The following CRYBA4 variants were observed in gnomAD, a reference collection of about 807,000 sequenced individuals.
CRYBA4 encodes the protein beta-crystallin A4.
A neutral mutation model predicts 31.7 loss-of-function variants in CRYBA4; 30 were observed. The ratio of observed to expected loss-of-function variants is 0.95; its 90% CI spans 0.71 to 1.28. The LOEUF is 1.28. Ranked by LOEUF, CRYBA4 falls within the 50% of genes most tolerant of loss-of-function variation. CRYBA4 has a pLI of 0.00. For synonymous variants in CRYBA4, 102 were observed against 102.3 expected, an observed-to-expected ratio of 1.00 and a Z score of 0.02; for missense variants, 225 against 260.7, an observed-to-expected ratio of 0.86 and a Z score of 0.94.
the CRYBA4 span, among the ~76,000 whole-genome samples, chr22:26,608,914 G>A: frequency 6.6e-6 from 1 of 152,178 alleles, no homozygotes; most frequent in Non-Finnish European, 1.5e-5. Context: ...CTAATTAGAA[G>A]TTTGAAATTA....
At chr22:26,615,893 G>T in the CRYBA4 span, among the ~76,000 whole-genome samples, 2 of 152,184 alleles carry the variant, frequency 1.3e-5, no homozygotes, top group Non-Finnish European at 1.5e-5. Context: ...TGTCCCAGAA[G>T]GAGGAGGGAG....
chr22:26,622,633 A>T lies in CRYBA4; in HGVS notation c.37A>T (p.Lys13Ter). Residue 13 changes from lysine to a stop codon, truncating the protein, a stop_gained and splice_region_variant, in exon 2 of 6, where the codon AAG becomes TAG. Transcript: ENST00000354760. LOFTEE classifies it high-confidence loss of function. Reference protein sequence around the residue: ...LQCTKSAGPWKMVVWDEDGFQ... With the variant: ...LQCTKSAGPW Reference sequence around the variant, plus strand: ...ATGCACAAAGTCAGCGGGACCCTGGAAGGTAGGAAGAGGCATGGGGAGGGG... The same window carrying T: ...ATGCACAAAGTCAGCGGGACCCTGGTAGGTAGGAAGAGGCATGGGGAGGGG... The T allele has an allele frequency of 6.2e-7, 1 of 1,609,574 alleles. No individual in the cohort carries two copies. The highest frequency in any genetic ancestry group is 8.5e-7 in the Non-Finnish European group (1 of 1,176,586).
intron 4 of CRYBA4, among the ~76,000 whole-genome samples, chr22:26,626,588 G>T (rs1309386688): frequency 6.6e-6 from 1 of 152,200 alleles, no homozygotes; most frequent in East Asian, 1.9e-4. Context: ...CTTGGGACCA[G>T]AAGTGTTTTG....
At chr22:26,600,070 A>G in the CRYBA4 span, among the ~76,000 whole-genome samples, 1 of 152,202 alleles carries the variant, frequency 6.6e-6, no homozygotes, top group Non-Finnish European at 1.5e-5. Context: ...CTGGTTAACA[A>G]TGAAGCAAAT....
At chr22:26,601,321 G>T in the CRYBA4 span, among the ~76,000 whole-genome samples, 1 of 152,114 alleles carries the variant, frequency 6.6e-6, no homozygotes, top group Non-Finnish European at 1.5e-5. Flanking sequence ...GATAGCTTCA[G>T]ATCCTGAGCG....
At chr22:26,605,266 T>G in the CRYBA4 span, among the ~76,000 whole-genome samples, 1 of 152,220 alleles carries the variant, frequency 6.6e-6, no homozygotes, top group Non-Finnish European at 1.5e-5. Flanking sequence ...TGGATTTTTA[T>G]GATTAGCTTT....
chr22:26,599,419 C>G, the CRYBA4 span: 4 of 1,513,860 alleles, frequency 2.6e-6, no homozygotes, highest in Non-Finnish European at 3.6e-6. Flanking sequence ...ATTTTATTTG[C>G]CTGGGAAAAA....
At chr22:26,603,626 C>T in the CRYBA4 span, among the ~76,000 whole-genome samples, 3 of 151,944 alleles carry the variant, frequency 2.0e-5, no homozygotes, top group Non-Finnish European at 2.9e-5. Flanking sequence ...CAGGCCTGGC[C>T]GGGCGCGGTG....
the CRYBA4 span, chr22:26,599,676 G>T: frequency 1.1e-4 from 176 of 1,613,654 alleles, 2 homozygotes; most frequent in East Asian, 3.9e-3. Flanking sequence ...CAACCCATCT[G>T]AGAGAAAAGT....
chr22:26,602,160 T>A, the CRYBA4 span: 1 of 1,088,628 alleles, frequency 9.2e-7, no homozygotes, highest in East Asian at 2.5e-5. Context: ...ACCACTGCTG[T>A]CTAGTCTGGA....
upstream of CRYBA4, among the ~76,000 whole-genome samples, chr22:26,618,382 G>A (rs58450956): frequency 0.057 from 8,647 of 152,294 alleles, 298 homozygotes; most frequent in East Asian, 0.093. Context: ...CAGCCACTGC[G>A]CGCTGTGTGG....
the CRYBA4 span, among the ~76,000 whole-genome samples, chr22:26,595,791 G>C: frequency 5.3e-5 from 8 of 151,324 alleles, no homozygotes; most frequent in East Asian, 1.6e-3. Flanking sequence ...TTTGTTTTTA[G>C]AGACAGGGTC....
chr22:26,613,515 T>C, the CRYBA4 span, among the ~76,000 whole-genome samples: 2 of 152,252 alleles, frequency 1.3e-5, no homozygotes, highest in African/African-American at 4.8e-5. Flanking sequence ...TAATTTCTTA[T>C]GCCTGTCTTT....
At chr22:26,598,363 T>TTCTCTTTCTCGCTCTCTC in the CRYBA4 span, among the ~76,000 whole-genome samples, 2 of 152,132 alleles carry the variant, frequency 1.3e-5, no homozygotes, top group South Asian at 2.1e-4. Context: ...CCTTCTCTCT[T>TTCTCTTTCTCGCTCTCTC]TCTCTTTCTC....
At position 26,629,931 on chromosome 22, in the gene CRYBA4, G is replaced by A. The variant is rs115163536; in HGVS notation, c.444-409G>A. On this transcript the variant is annotated intron_variant, in intron 5 of 5. Transcript: ENST00000354760. ...ATATATTTATGCAGGTGGTGATAAC[G>A]ATGAACAAAACATACACGTTCCTAC... is the stretch of plus-strand genomic sequence containing the variant. Among the ~76,000 whole-genome samples, 471 of 98,008 alleles carry A rather than the reference G, an allele frequency of 4.8e-3. 2 individuals are homozygous for A. Among genetic ancestry groups the A allele is most frequent in the African/African-American group, 0.013 (437 of 32,386 alleles). The allele number at this position is 98,008 out of a possible 152,430, so 64.3% of individuals were successfully genotyped here. A position where few individuals can be genotyped will look rare whatever the true frequency, so the allele number is the denominator to read the frequency against.
At chr22:26,621,404 C>T (rs1341776877), upstream of CRYBA4, among the ~76,000 whole-genome samples, 2 of 152,222 alleles carry the variant, frequency 1.3e-5, no homozygotes, top group African/African-American at 4.8e-5. Context: ...AATGCCTCTC[C>T]TTCCATCTCA....
At chr22:26,616,214 C>T in the CRYBA4 span, 115 of 1,614,044 alleles carry the variant, frequency 7.1e-5, no homozygotes, top group African/African-American at 2.9e-4. Context: ...AGGGTAGTGC[C>T]GGGACTAGGG....
At chr22:26,613,222 C>T in the CRYBA4 span, among the ~76,000 whole-genome samples, 1 of 152,340 alleles carries the variant, frequency 6.6e-6, no homozygotes, top group African/African-American at 2.4e-5. Flanking sequence ...CTTGCTGTTC[C>T]AAGTTGGGAC....
chr22:26,608,369 G>C, the CRYBA4 span, among the ~76,000 whole-genome samples: 1 of 152,192 alleles, frequency 6.6e-6, no homozygotes, highest in African/African-American at 2.4e-5. Flanking sequence ...TCAGGACTTG[G>C]AGCCAAGGAA....
Sources: allele counts gnomAD v4.1 joint callset (sites outside exome capture counted in the v4.1 genomes callset), GRCh38; gene constraint gnomAD v4.1.1; transcripts MANE v1.5; gene names NCBI Gene and HGNC (gene_info 2026-07-23, HGNC 2026-07-21).